FLI1: variants seen among roughly 807,000 people sequenced by gnomAD.
The protein encoded by FLI1 is Friend leukemia integration 1 transcription factor.
A neutral mutation model predicts 53.1 loss-of-function variants in FLI1; 13 were observed. The ratio of observed to expected loss-of-function variants is 0.24; its 90% CI spans 0.16 to 0.39. FLI1 has a LOEUF of 0.39. Ranked by LOEUF, FLI1 falls within the 10% of genes least tolerant of loss-of-function variation. FLI1 has a pLI of 1.00. For missense variants in FLI1, 424 were observed against 600.5 expected (o/e 0.71, Z 3.07); for synonymous variants, 244 against 236.7 (o/e 1.03, Z -0.28).
chr11:128,807,335 A>G (rs1264554315), intron 7 of FLI1, 96 bp downstream of exon 7: 3 of 743,904 alleles, frequency 4.0e-6, no homozygotes, highest in Non-Finnish European at 6.3e-6. Context: ...TATACCACAT[A>G]TGTTTTCTCT....
chr11:128,774,432 A>G (rs1220126252), intron 4 of FLI1, among the ~76,000 whole-genome samples: 2 of 152,190 alleles, frequency 1.3e-5, no homozygotes, highest in Admixed American at 6.5e-5. Context: ...AGCACTTTCT[A>G]ATTCATATTT....
At chr11:128,711,955 A>G (rs1565460944) in intron 1 of FLI1, among the ~76,000 whole-genome samples, 2 of 152,368 alleles carry the variant, frequency 1.3e-5, no homozygotes, top group East Asian at 3.9e-4. Flanking sequence ...CTTACTAGTT[A>G]GACTGGTAGT....
At chr11:128,784,220 T>TCTCCTCCTCCTC (rs61050928) in intron 5 of FLI1, among the ~76,000 whole-genome samples, 60 of 117,958 alleles carry the variant, frequency 5.1e-4, no homozygotes, top group South Asian at 9.2e-4. Flanking sequence ...TTGCTAACCA[T>TCTCCTCCTCCTC]CTCCTCCTCC....
At position 128,810,586 on chromosome 11, in the gene FLI1, G is replaced by A; in HGVS notation, c.957G>A (p.Arg319=). 6.2e-7 allele frequency: 1 copy of A among 1,613,782 alleles called. No individual in the cohort carries two copies. Among genetic ancestry groups the A allele is most frequent in the Non-Finnish European group, 8.5e-7 (1 of 1,179,844 alleles). Residue 319 remains arginine, a synonymous_variant, in exon 9 of 9, where the codon AGG becomes AGA. Transcript: ENST00000527786. The surrounding 1 kb of genome is among the most constrained non-coding windows in gnomAD (Gnocchi z 6.6). ...TGACGGACCCCGATGAGGTGGCCAG[G>A]CGCTGGGGCGAGCGGAAAAGCAAGC... is the stretch of plus-strand genomic sequence containing the variant. ...FKMTDPDEVA[R]RWGERKSKPN...
intron 5 of FLI1, among the ~76,000 whole-genome samples, chr11:128,788,044 T>C (rs1026323889): frequency 2.6e-5 from 4 of 151,742 alleles, no homozygotes; most frequent in African/African-American, 9.7e-5. Flanking sequence ...CCTCCTGACC[T>C]CATGATCTGC....
intron 1 of FLI1, among the ~76,000 whole-genome samples, chr11:128,737,567 T>G (rs1167876605): frequency 1.3e-5 from 2 of 152,200 alleles, no homozygotes; most frequent in Non-Finnish European, 2.9e-5. Context: ...AAATTTATTT[T>G]AAATGAAATA....
chr11:128,778,688 T>A (rs1195456025), intron 4 of FLI1, among the ~76,000 whole-genome samples: 1 of 152,194 alleles, frequency 6.6e-6, no homozygotes, highest in Non-Finnish European at 1.5e-5. Flanking sequence ...GAGCACTGCG[T>A]CCCCACCACC....
chr11:128,726,254 C>T (rs940484432), intron 1 of FLI1, among the ~76,000 whole-genome samples: 4 of 152,034 alleles, frequency 2.6e-5, no homozygotes, highest in Non-Finnish European at 5.9e-5. Flanking sequence ...TGTAGGCTCA[C>T]CTTTCAGAAC....
chr11:128,695,319 A>C (rs1938013447), intron 1 of FLI1, among the ~76,000 whole-genome samples: 1 of 152,234 alleles, frequency 6.6e-6, no homozygotes, highest in Admixed American at 6.5e-5. Context: ...CCCTAACGTG[A>C]CGGGCCTTAG....
intron 1 of FLI1, among the ~76,000 whole-genome samples, chr11:128,727,588 C>G (rs898064674): frequency 2.0e-5 from 3 of 152,208 alleles, no homozygotes; most frequent in Admixed American, 1.3e-4. Context: ...TGCTGCAGCC[C>G]AAGACCTTGG....
chr11:128,728,530 C>G (rs535292786), intron 1 of FLI1, among the ~76,000 whole-genome samples: 9 of 152,192 alleles, frequency 5.9e-5, no homozygotes, highest in Non-Finnish European at 1.2e-4. Flanking sequence ...CTGCAGTGGC[C>G]CCTGTGAGTA....
At chr11:128,745,075 C>CA (rs1394577066) in intron 1 of FLI1, among the ~76,000 whole-genome samples, 4 of 152,136 alleles carry the variant, frequency 2.6e-5, no homozygotes, top group Non-Finnish European at 5.9e-5. Flanking sequence ...GGTGAAGCTG[C>CA]ATATGTATAT....
intron 1 of FLI1, among the ~76,000 whole-genome samples, chr11:128,744,699 A>C (rs1328099557): frequency 6.6e-6 from 1 of 152,190 alleles, no homozygotes; most frequent in Non-Finnish European, 1.5e-5. Context: ...GGGTGCTGTC[A>C]TTGTGCCCAT....
chr11:128,773,018 G>C, intron 4 of FLI1, 33 bp downstream of exon 4: 1 of 1,599,956 alleles, frequency 6.3e-7, no homozygotes, highest in Non-Finnish European at 8.5e-7. Context: ...GGGCTGGGAG[G>C]AAGCTTGGCA....
At chr11:128,799,836 A>C (rs1360034745) in intron 5 of FLI1, among the ~76,000 whole-genome samples, 1 of 152,184 alleles carries the variant, frequency 6.6e-6, no homozygotes, top group East Asian at 1.9e-4. Flanking sequence ...CAGCTTCTGC[A>C]GGTTGGTGGC....
chr11:128,756,827 A>G (rs1940878892), intron 1 of FLI1, among the ~76,000 whole-genome samples: 1 of 152,220 alleles, frequency 6.6e-6, no homozygotes, highest in Non-Finnish European at 1.5e-5. Flanking sequence ...ACATGGAATA[A>G]TGGGAGACTC....
chr11:128,689,906 C>G (rs995873657), upstream of FLI1, among the ~76,000 whole-genome samples: 1 of 152,124 alleles, frequency 6.6e-6, no homozygotes, highest in Non-Finnish European at 1.5e-5. Flanking sequence ...GTTCTGAACC[C>G]GCTCAGCGCT....
chr11:128,795,423 G>C (rs1399177482), intron 5 of FLI1, among the ~76,000 whole-genome samples: 2 of 151,948 alleles, frequency 1.3e-5, no homozygotes, highest in Admixed American at 6.6e-5. Context: ...ACTCAATCCT[G>C]CTCCAATAAA....
At chr11:128,765,472 C>T (rs1941299837) in intron 2 of FLI1, among the ~76,000 whole-genome samples, 1 of 152,314 alleles carries the variant, frequency 6.6e-6, no homozygotes, top group South Asian at 2.1e-4. Context: ...TATCGTATCC[C>T]CACCGTCCAC....
Sources: allele counts gnomAD v4.1 joint callset (sites outside exome capture counted in the v4.1 genomes callset), GRCh38; gene constraint gnomAD v4.1.1; non-coding constraint Gnocchi (gnomAD v3.1); transcripts MANE v1.5; gene names NCBI Gene and HGNC (gene_info 2026-07-23, HGNC 2026-07-21).